The following TYW1B variants were observed in gnomAD, a reference collection of about 807,000 sequenced individuals.
TYW1B encodes the protein S-adenosyl-L-methionine-dependent tRNA 4-demethylwyosine synthase TYW1B.
A neutral mutation model predicts 86.9 loss-of-function variants in TYW1B; 73 were observed. The ratio of observed to expected loss-of-function variants is 0.84; its 90% confidence interval spans 0.70 to 1.02. The LOEUF (loss-of-function observed/expected upper bound fraction) is 1.02. Among genes scored for constraint, TYW1B ranks in the 50% least tolerant of loss-of-function variants. The pLI is 0.00. For synonymous variants in TYW1B, 248 were observed against 292.8 expected, an observed-to-expected ratio of 0.85 and a Z score of 1.56; for missense variants, 637 against 827.4, an observed-to-expected ratio of 0.77 and a Z score of 2.82.
intron 13 of TYW1B, among the ~76,000 whole-genome samples, chr7:72,587,011 C>A (rs1485440414): frequency 6.6e-6 from 1 of 152,120 alleles, no homozygotes; most frequent in Non-Finnish European, 1.5e-5. Flanking sequence ...TTCATTTCTA[C>A]ACTCAAGGGC....
At position 72,794,915 on chromosome 7, in the gene TYW1B, C is replaced by A. The variant is rs541881378; in HGVS notation, c.846+7485G>T. On this transcript the variant is annotated intron_variant, in intron 6 of 13. Coordinates refer to ENST00000620995, the MANE Select transcript of TYW1B (RefSeq NM_001145440.3). ...CTCACTGCAACCTCTGAATCCCAGG[C>A]TCAAGCGATTCTCCTACCTCAGCCT... Among the ~76,000 whole-genome samples, 7 of 151,846 alleles carry A rather than the reference C, an allele frequency of 4.6e-5. No individual in the cohort carries two copies. The South Asian group carries it at 1.5e-3, about 32-fold the overall frequency.
chr7:72,716,090 A>G (rs2129570763), intron 9 of TYW1B, among the ~76,000 whole-genome samples: 1 of 152,168 alleles, frequency 6.6e-6, no homozygotes, highest in East Asian at 1.9e-4. Flanking sequence ...GGTGCCCACC[A>G]CCATGCCCGG....
At chr7:72,750,897 A>AAC (rs1429747921) in intron 7 of TYW1B, among the ~76,000 whole-genome samples, 1 of 152,226 alleles carries the variant, frequency 6.6e-6, no homozygotes, top group Non-Finnish European at 1.5e-5. Flanking sequence ...CAGTGCTCAA[A>AAC]ACATTTTTAA....
rs1260599326 is a variant in TYW1B, at chr7:72,706,959, T to A, written c.1370+6662A>T. ...TAAGGAGAAAATGGATTGCATATCA[T>A]CTGGGCTATTCACATAATTATAATC... On this transcript the variant is annotated intron_variant, in intron 10 of 13. Coordinates refer to ENST00000620995, the MANE Select transcript of TYW1B (RefSeq NM_001145440.3). Among the ~76,000 whole-genome samples the A allele has an allele frequency of 1.2e-4, 18 of 152,192 alleles. 1 individual carries two copies. Among genetic ancestry groups the A allele is most frequent in the Non-Finnish European group, 2.2e-4 (15 of 68,034 alleles).
intron 5 of TYW1B, among the ~76,000 whole-genome samples, chr7:72,804,580 A>AT (rs781810679): frequency 2.0e-5 from 3 of 152,092 alleles, no homozygotes; most frequent in Non-Finnish European, 4.4e-5. Flanking sequence ...GCTCACACTT[A>AT]TAATCCCAAC....
At position 72,727,793 on chromosome 7, in the gene TYW1B, A is replaced by G. The variant is rs570257940; in HGVS notation, c.1192+1029T>C. Among the ~76,000 whole-genome samples the G allele has an allele frequency of 3.5e-5, 5 of 144,324 alleles. No homozygotes were observed. In the Admixed American group the frequency reaches 3.6e-4, roughly 10 times the overall value. 94.7% of individuals were successfully genotyped at this position (144,324 alleles called of 152,430 possible). On this transcript the variant is annotated intron_variant, in intron 9 of 13. Coordinates refer to ENST00000620995, the MANE Select transcript of TYW1B (RefSeq NM_001145440.3). The stretch of plus-strand genomic sequence containing the variant: ...AGCACCACATACTCCAGCCTGGGTG[A>G]CAGAGTGAGATCCGGTCCAAAAAAA...
At chr7:72,755,947 G>A (rs1158934550) in intron 7 of TYW1B, among the ~76,000 whole-genome samples, 4 of 152,066 alleles carry the variant, frequency 2.6e-5, no homozygotes, top group African/African-American at 9.7e-5. Flanking sequence ...ACGGGCAGGG[G>A]CAGTCCAAGA....
chr7:72,632,389 T>TATATATATATAATATATATATAC lies in TYW1B; in HGVS notation c.1507-3415_1507-3393dup, dbSNP rs1563038716. The stretch of plus-strand genomic sequence containing the variant: ...TACGCATATATATTATATATATACG[T>TATATATATATAATATATATATAC]ATATATATATAATATATATATACAT... On this transcript the variant is annotated intron_variant, in intron 11 of 13. Transcript: ENST00000620995. 2.4e-3 allele frequency among the ~76,000 whole-genome samples: 222 copies of TATATATATATAATATATATATAC among 92,128 alleles called. 4 individuals carry two copies. Among genetic ancestry groups the TATATATATATAATATATATATAC allele is most frequent in the East Asian group, 0.019 (67 of 3,504 alleles). The allele number at this position is 92,128 out of a possible 152,430, so 60.4% of individuals were successfully genotyped here. A position where few individuals can be genotyped will look rare whatever the true frequency, so the allele number is the denominator to read the frequency against.
chr7:72,727,811 CAAAAAAAAAA>C (rs10714290), intron 9 of TYW1B, among the ~76,000 whole-genome samples: 32 of 107,662 alleles, frequency 3.0e-4, no homozygotes, highest in Admixed American at 4.5e-4. Flanking sequence ...AGATCCGGTC[CAAAAAAAAAA>C]AAAAAAAAAA....
At chr7:72,642,618 C>T (rs1289437763) in intron 11 of TYW1B, among the ~76,000 whole-genome samples, 1 of 152,180 alleles carries the variant, frequency 6.6e-6, no homozygotes, top group African/African-American at 2.4e-5. Flanking sequence ...AGCTGAAGTT[C>T]TAGGCTGGGC....
chr7:72,625,224 C>T (rs1457006996), intron 12 of TYW1B, among the ~76,000 whole-genome samples: 1 of 152,126 alleles, frequency 6.6e-6, no homozygotes, highest in Non-Finnish European at 1.5e-5. Context: ...ATCTCCAGAG[C>T]TTTAACAAGG....
intron 13 of TYW1B, among the ~76,000 whole-genome samples, chr7:72,614,340 G>A (rs572895827): frequency 6.6e-6 from 1 of 152,158 alleles, no homozygotes; most frequent in South Asian, 2.1e-4. Flanking sequence ...TCATCCATAA[G>A]ACAGAGGTCA....
At chr7:72,576,785 T>G (rs1287060644) in intron 13 of TYW1B, among the ~76,000 whole-genome samples, 1 of 151,820 alleles carries the variant, frequency 6.6e-6, no homozygotes, top group East Asian at 2.0e-4. Flanking sequence ...GTGCTGGGAT[T>G]ACAGGCGTGA....
chr7:72,632,303 GTATATATAT>G (rs1425729229), intron 11 of TYW1B, among the ~76,000 whole-genome samples: 7 of 56,512 alleles, frequency 1.2e-4, no homozygotes, highest in East Asian at 9.2e-4. Context: ...ATATATACGT[GTATATATAT>G]TATATATATT....
intron 13 of TYW1B, among the ~76,000 whole-genome samples, chr7:72,587,733 C>A (rs1346238743): frequency 1.3e-5 from 2 of 152,202 alleles, no homozygotes; most frequent in Non-Finnish European, 2.9e-5. Flanking sequence ...CTTAGTCCTA[C>A]AAACGCCATC....
intron 5 of TYW1B, among the ~76,000 whole-genome samples, chr7:72,804,115 T>C (rs1788452795): frequency 6.6e-6 from 1 of 150,830 alleles, no homozygotes; most frequent in Non-Finnish European, 1.5e-5. Context: ...TGAAACTCTG[T>C]CTCTACTAAA....
intron 7 of TYW1B, among the ~76,000 whole-genome samples, chr7:72,747,385 C>T (rs189280696): frequency 0.031 from 4,772 of 152,256 alleles, 176 homozygotes; most frequent in Non-Finnish European, 0.037. Context: ...GTAAGTCCAA[C>T]TGAACCTCTT....
At position 72,737,552 on chromosome 7, in the gene TYW1B, C is replaced by A. The variant is rs182361014; in HGVS notation, c.1082+6932G>T. Among the ~76,000 whole-genome samples, 23 of 152,240 alleles carry A rather than the reference C, an allele frequency of 1.5e-4. No homozygotes were observed. The East Asian group carries it at 4.4e-3, about 29-fold the overall frequency. ...AAAACCAACTACTTATGCCAACAATCTTAAGAAGAGATTAGGATTTATACT... is the reference window on the plus strand; with the variant it reads ...AAAACCAACTACTTATGCCAACAATATTAAGAAGAGATTAGGATTTATACT... On this transcript the variant is annotated intron_variant, in intron 8 of 13. Transcript: ENST00000620995.
At chr7:72,673,633 G>A (rs1209994631) in intron 11 of TYW1B, among the ~76,000 whole-genome samples, 4 of 152,086 alleles carry the variant, frequency 2.6e-5, no homozygotes, top group African/African-American at 9.7e-5. Context: ...AGGAAGGTGG[G>A]ATGGTTAATG....
Sources: allele counts gnomAD v4.1 joint callset (sites outside exome capture counted in the v4.1 genomes callset), GRCh38; gene constraint gnomAD v4.1.1; transcripts MANE v1.5; gene names NCBI Gene and HGNC (gene_info 2026-07-23, HGNC 2026-07-21).